The following ME1 variants were observed in gnomAD, a reference collection of about 807,000 sequenced individuals.
ME1 encodes NADP-dependent malic enzyme.
Under a neutral mutation model 66.4 loss-of-function variants are expected in ME1, and 74 were observed. That is an observed-to-expected ratio of 1.11 (90% CI 0.92 to 1.35). The LOEUF is 1.35. ME1 is among the 40% of genes most tolerant of loss of function. The pLI is 0.00. For synonymous variants in ME1, 251 were observed against 235.6 expected, an observed-to-expected ratio of 1.07 and a Z score of -0.60; for missense variants, 750 against 694.1, an observed-to-expected ratio of 1.08 and a Z score of -0.90.
chr6:83,248,153 C>T (rs144749274), intron 7 of ME1, among the ~76,000 whole-genome samples: 2 of 152,128 alleles, frequency 1.3e-5, no homozygotes, highest in Admixed American at 6.6e-5. Context: ...AATCCTGACC[C>T]TAATTGCTTG....
chr6:83,431,005 C>T lies in ME1; in HGVS notation c.-51G>A, dbSNP rs1024866491. 2.5e-6 allele frequency: 3 copies of T among 1,223,058 alleles called. No individual in the cohort carries two copies. The highest frequency in any genetic ancestry group is 3.3e-6 in the Non-Finnish European group (3 of 916,796). 75.8% of individuals were successfully genotyped at this position (1,223,058 alleles called of 1,614,324 possible). ...GTCAGGCCGGGGCGGGCCGCACGCG[C>T]GGTGCAGGCGGCGGATGCTGCTGGG... On this transcript the variant is annotated 5_prime_UTR_variant, in exon 1 of 14. Transcript: ENST00000369705.
intron 6 of ME1, among the ~76,000 whole-genome samples, chr6:83,305,530 C>A (rs913443312): frequency 6.6e-6 from 1 of 151,866 alleles, no homozygotes; most frequent in African/African-American, 2.4e-5. Context: ...ATATTTTAGA[C>A]AGAGGGAAAA....
chr6:83,218,146 G>A (rs1013059463), intron 12 of ME1, among the ~76,000 whole-genome samples: 1 of 152,096 alleles, frequency 6.6e-6, no homozygotes, highest in Non-Finnish European at 1.5e-5. Context: ...ACAAAGATAC[G>A]TTAACTATTC....
At chr6:83,285,897 T>A (rs1459735467) in intron 6 of ME1, among the ~76,000 whole-genome samples, 1 of 152,208 alleles carries the variant, frequency 6.6e-6, no homozygotes, top group East Asian at 1.9e-4. Context: ...AACCGAGTTT[T>A]CCATAGTTGT....
chr6:83,271,286 A>G (rs1767078012), intron 6 of ME1, among the ~76,000 whole-genome samples: 1 of 152,208 alleles, frequency 6.6e-6, no homozygotes, highest in South Asian at 2.1e-4. Context: ...CAATTTACAG[A>G]CACAAATTGT....
Position 83,211,919 on chromosome 6 carries a change from T to G in ME1, c.*5A>C. 6.3e-7 allele frequency: 1 copy of G among 1,574,854 alleles called. No individual in the cohort carries two copies. The highest frequency in any genetic ancestry group is 8.6e-7 in the Non-Finnish European group (1 of 1,159,480). Reference sequence around the variant, plus strand: ...TTAATAGAGTTAGAAATGTTTGCTATTATCCTACTGGTCAACTTTGGTCTG... The same window carrying G: ...TTAATAGAGTTAGAAATGTTTGCTAGTATCCTACTGGTCAACTTTGGTCTG... On this transcript the variant is annotated 3_prime_UTR_variant, in exon 14 of 14. Coordinates refer to ENST00000369705, the MANE Select transcript of ME1 (RefSeq NM_002395.6).
At chr6:83,276,255 T>C (rs1767181831) in intron 6 of ME1, among the ~76,000 whole-genome samples, 1 of 152,322 alleles carries the variant, frequency 6.6e-6, no homozygotes, top group East Asian at 1.9e-4. Flanking sequence ...AGACTGAAGA[T>C]GAATCTCTAA....
Position 83,398,447 on chromosome 6 carries a change from AAT to A in ME1, c.280_281del (p.Ile94Ter), listed in dbSNP as rs1208438371. 10 of 1,597,366 alleles carry A rather than the reference AAT, an allele frequency of 6.3e-6. No homozygotes were observed. The highest frequency in any genetic ancestry group is 8.6e-6 in the Non-Finnish European group (10 of 1,168,620). On this transcript the variant is annotated frameshift_variant, in exon 3 of 14. Coordinates refer to ENST00000369705, the MANE Select transcript of ME1 (RefSeq NM_002395.6). LOFTEE classifies it high-confidence loss of function. Reference protein sequence around the residue: ...KLFYRVLTSDIEKFMPIVYTP... With the variant: ...KLFYRVLTSDXEKFMPIVYTP... Reference sequence around the variant, plus strand: ...TATAAACAATAGGCATGAATTTCTCAATGTCAGATGTCAGCACTCTATAAAAG... The same window carrying A: ...TATAAACAATAGGCATGAATTTCTCAGTCAGATGTCAGCACTCTATAAAAG...
chr6:83,341,174 A>G (rs1768574175), intron 5 of ME1, among the ~76,000 whole-genome samples: 1 of 152,110 alleles, frequency 6.6e-6, no homozygotes. Context: ...GAGCCCCAAT[A>G]AAACTCTGAA....
intron 6 of ME1, among the ~76,000 whole-genome samples, chr6:83,257,571 C>T (rs573472223): frequency 1.6e-4 from 24 of 152,184 alleles, no homozygotes; most frequent in Non-Finnish European, 2.9e-5. Flanking sequence ...CTGAAGGGAA[C>T]GTAAACTTTT....
At chr6:83,255,096 T>C (rs1766740485) in intron 6 of ME1, among the ~76,000 whole-genome samples, 2 of 152,142 alleles carry the variant, frequency 1.3e-5, no homozygotes, top group Admixed American at 1.3e-4. Flanking sequence ...TACATATTTA[T>C]CTTGGGTAGA....
chr6:83,264,305 T>C (rs988947591), intron 6 of ME1, among the ~76,000 whole-genome samples: 1 of 152,192 alleles, frequency 6.6e-6, no homozygotes, highest in African/African-American at 2.4e-5. Context: ...TTATTGGCAA[T>C]GCACCTAGTC....
chr6:83,230,473 G>A (rs1790284026), intron 9 of ME1, among the ~76,000 whole-genome samples: 1 of 152,058 alleles, frequency 6.6e-6, no homozygotes, highest in Non-Finnish European at 1.5e-5. Flanking sequence ...ACCTCATCAG[G>A]TTGTTTGTGG....
chr6:83,327,888 C>G (rs1013369906), intron 5 of ME1, among the ~76,000 whole-genome samples: 1 of 152,160 alleles, frequency 6.6e-6, no homozygotes, highest in South Asian at 2.1e-4. Context: ...AAATTTCTCT[C>G]TTCTGTACTC....
chr6:83,272,663 T>A (rs1767105055), intron 6 of ME1, among the ~76,000 whole-genome samples: 1 of 152,126 alleles, frequency 6.6e-6, no homozygotes, highest in South Asian at 2.1e-4. Context: ...AGTCCAAGGA[T>A]TAGATTCAAA....
chr6:83,258,137 C>T (rs1450332218), intron 6 of ME1, among the ~76,000 whole-genome samples: 2 of 152,108 alleles, frequency 1.3e-5, no homozygotes, highest in African/African-American at 2.4e-5. Flanking sequence ...TATAATGTTT[C>T]TTAAGTGAAA....
At chr6:83,324,830 A>G (rs959092051) in intron 5 of ME1, among the ~76,000 whole-genome samples, 6 of 152,062 alleles carry the variant, frequency 3.9e-5, no homozygotes, top group African/African-American at 1.4e-4. Flanking sequence ...TATTCCAAAC[A>G]ATAGAAAAAG....
intron 3 of ME1, among the ~76,000 whole-genome samples, chr6:83,393,666 G>T (rs143982266): frequency 6.6e-6 from 1 of 151,166 alleles, no homozygotes; most frequent in African/African-American, 2.4e-5. Flanking sequence ...CAAATACTTC[G>T]TTTGATTCAA....
intron 1 of ME1, among the ~76,000 whole-genome samples, chr6:83,416,022 A>T (rs746347615): frequency 6.6e-6 from 1 of 152,214 alleles, no homozygotes; most frequent in Admixed American, 6.5e-5. Flanking sequence ...TAGCAACATA[A>T]GACTAAAGGG....
Sources: gnomAD v4.1 joint callset for allele counts (sites outside exome capture counted in the v4.1 genomes callset) on GRCh38, gnomAD v4.1.1 for gene constraint, MANE v1.5 for transcripts, NCBI Gene and HGNC (gene_info 2026-07-23, HGNC 2026-07-21) for gene names.